Variants in EGFR observed in about 807,000 individuals in gnomAD.
EGFR encodes the protein epidermal growth factor receptor.
Under a neutral mutation model 143.0 loss-of-function variants are expected in EGFR, and 58 were observed. The observed-to-expected ratio is 0.41, with a 90% CI of 0.33 to 0.50. EGFR has a LOEUF of 0.50. Ranked by LOEUF, EGFR falls within the 20% of genes least tolerant of loss-of-function variation. The probability of loss-of-function intolerance (pLI) is 0.39; values close to 1 mark genes in which losing one functional copy is unlikely to be tolerated. For synonymous variants in EGFR, 613 were observed against 594.4 expected (o/e 1.03, Z -0.45); for missense variants, 1,307 against 1,579.0 (o/e 0.83, Z 2.92).
At chr7:55,019,398 C>G (rs1181438863) in intron 1 of EGFR, 33 bp downstream of exon 1, 3 of 1,347,336 alleles carry the variant, frequency 2.2e-6, no homozygotes, top group South Asian at 1.6e-5. Flanking sequence ...CCCGCGCCGC[C>G]CCCGGATCGC....
At chr7:55,042,665 G>A (rs1787962123) in intron 1 of EGFR, among the ~76,000 whole-genome samples, 1 of 152,198 alleles carries the variant, frequency 6.6e-6, no homozygotes, top group Non-Finnish European at 1.5e-5. Context: ...TCACCAACCA[G>A]GTGATTTTTT....
chr7:55,019,189 G>T lies in EGFR; in HGVS notation c.-89G>T. On this transcript the variant is annotated 5_prime_UTR_variant, in exon 1 of 28. Coordinates refer to ENST00000275493, the MANE Select transcript of EGFR (RefSeq NM_005228.5). Reference sequence around the variant, plus strand: ...CGGCGTCCGCCCGAGTCCCCGCCTCGCCGCCAACGCCACAACCACCGCGCA... The same window carrying T: ...CGGCGTCCGCCCGAGTCCCCGCCTCTCCGCCAACGCCACAACCACCGCGCA... 8.9e-7 allele frequency: 1 copy of T among 1,127,140 alleles called. No individual in the cohort carries two copies. The highest frequency in any genetic ancestry group is 1.2e-6 in the Non-Finnish European group (1 of 821,318). The allele number at this position is 1,127,140 out of a possible 1,614,324, so 69.8% of individuals were successfully genotyped here.
At position 55,160,218 on chromosome 7, in the gene EGFR, G is replaced by A. The variant is rs753269876; in HGVS notation, c.1378G>A (p.Asp460Asn). ...CTCCCTCAAGGAGATAAGTGATGGAGATGTGATAATTTCAGGAAACAAAAA... is the reference window on the plus strand; with the variant it reads ...CTCCCTCAAGGAGATAAGTGATGGAAATGTGATAATTTCAGGAAACAAAAA... ...LRSLKEISDG[D>N]VIISGNKNLC... Residue 460 changes from aspartate to asparagine, a missense_variant, in exon 12 of 28, where the codon GAT becomes AAT. Physicochemically the swap from Asp to Asn is conservative, Grantham distance 23. Around this residue, in one of 7 missense-constraint regions of EGFR, gnomAD observed 250 missense variants for 295.1 expected, o/e 0.85. Transcript: ENST00000275493. 6.2e-7 allele frequency: 1 copy of A among 1,614,184 alleles called. No homozygotes were observed. Among genetic ancestry groups the A allele is most frequent in the South Asian group, 1.1e-5 (1 of 91,088 alleles).
rs1460415933 is a variant in EGFR, at chr7:55,157,745, C to T, written c.1290C>T (p.Thr430=). The T allele has an allele frequency of 1.2e-6, 2 of 1,614,092 alleles. No individual in the cohort carries two copies. The highest frequency in any genetic ancestry group is 2.2e-5 in the East Asian group (1 of 44,896). The change falls in exon 11 of 28, where the codon ACC becomes ACT. Residue 430 remains threonine (T), a synonymous_variant. Transcript: ENST00000275493. ...FENLEIIRGR[T]KQHGQFSLAV... ...ACCTAGAAATCATACGCGGCAGGAC[C>T]AAGCAACAGTAAGTTGACCACAGCC...
intron 1 of EGFR, among the ~76,000 whole-genome samples, chr7:55,024,082 C>T (rs1786743350): frequency 6.6e-6 from 1 of 152,206 alleles, no homozygotes; most frequent in African/African-American, 2.4e-5. Context: ...ATAAAGCTTT[C>T]TTGCTACACA....
intron 1 of EGFR, among the ~76,000 whole-genome samples, chr7:55,064,223 AG>A (rs1219850854): frequency 6.6e-6 from 1 of 152,258 alleles, no homozygotes; most frequent in Non-Finnish European, 1.5e-5. Context: ...TAGTATCCAC[AG>A]GTCATGTTTG....
chr7:55,190,789 G>T (rs569102573), intron 20 of EGFR, among the ~76,000 whole-genome samples: 11 of 152,314 alleles, frequency 7.2e-5, no homozygotes, highest in African/African-American at 2.6e-4. Flanking sequence ...ACAATAATAA[G>T]AAGTCTGCAG....
In EGFR at chr7:55,173,267, T is replaced by A. The variant is rs555560281; in HGVS notation, c.2061+143T>A. On this transcript the variant is annotated intron_variant, in intron 17 of 27. Transcript: ENST00000275493. ...CAGAAAGAATCTCTGAATGTGCAGT[T>A]ATACCCAGTTGGTGACATGTTGGTA... 373 of 1,267,642 alleles carry A rather than the reference T, an allele frequency of 2.9e-4. 3 individuals are homozygous for A. The highest frequency in any genetic ancestry group is 5.2e-5 in the Non-Finnish European group (48 of 923,146). 78.5% of individuals were successfully genotyped at this position (1,267,642 alleles called of 1,614,324 possible).
In EGFR at chr7:55,201,221, G is replaced by A. The variant is rs1787831942; in HGVS notation, c.2980G>A (p.Asp994Asn). Reference sequence around the variant, plus strand: ...AAGAATGCATTTGCCAAGTCCTACAGACTCCAACTTCTACCGTGCCCTGAT... The same window carrying A: ...AAGAATGCATTTGCCAAGTCCTACAAACTCCAACTTCTACCGTGCCCTGAT... ...DERMHLPSPTDSNFYRALMDE... is the reference protein window; with the variant it reads ...DERMHLPSPTNSNFYRALMDE... Residue 994 changes from aspartate (D) to asparagine (N), a missense_variant, in exon 25 of 28, where the codon GAC becomes AAC. Physicochemically the swap from Asp to Asn is conservative, Grantham distance 23. Transcript: ENST00000275493. 1 of 1,614,146 alleles carries A rather than the reference G, an allele frequency of 6.2e-7. No individual in the cohort carries two copies.
rs182857647 is a variant in EGFR, at chr7:55,201,327, C to T, written c.3086C>T (p.Thr1029Met). 106 of 1,614,110 alleles carry T rather than the reference C, an allele frequency of 6.6e-5. No homozygotes were observed. The highest frequency in any genetic ancestry group is 8.4e-5 in the Non-Finnish European group (99 of 1,180,020). ...CAGGGCTTCTTCAGCAGCCCCTCCACGTCACGGACTCCCCTCCTGAGCTCT... is the reference window on the plus strand; with the variant it reads ...CAGGGCTTCTTCAGCAGCCCCTCCATGTCACGGACTCCCCTCCTGAGCTCT... ...PQQGFFSSPS[T>M]SRTPLLSSLS... The change falls in exon 25 of 28, where the codon ACG becomes ATG. Residue 1029 changes from threonine (T) to methionine (M), a missense_variant. Physicochemically the swap from Thr to Met is moderately conservative, Grantham distance 81. This residue lies in a region of EGFR where 313 missense variants were observed against 312.3 expected (regional missense o/e 1.00). Transcript: ENST00000275493.
rs1159677811 is a variant in EGFR at position 55,076,873 on chromosome 7, A to T, written c.88+57508A>T. ...ACTCCATCATTAGCTGTTGTCATGT[A>T]GGCTATCAATAAATATATGACAAAT... On this transcript the variant is annotated intron_variant, in intron 1 of 27. Transcript: ENST00000275493. 2.0e-5 allele frequency among the ~76,000 whole-genome samples: 3 copies of T among 152,144 alleles called. No individual in the cohort carries two copies. The East Asian group carries it at 5.8e-4, about 29-fold the overall frequency.
intron 24 of EGFR, chr7:55,200,705 T>C (rs963043229): frequency 2.7e-5 from 14 of 528,136 alleles, no homozygotes; most frequent in Non-Finnish European, 4.1e-5. Flanking sequence ...GAGAGAAGCA[T>C]GGTCTATTGG....
In EGFR at chr7:55,207,052, C is replaced by T. The variant is rs769052522; in HGVS notation, c.*1435C>T. 1.7e-5 allele frequency: 4 copies of T among 232,812 alleles called. No homozygotes were observed. Among genetic ancestry groups the T allele is most frequent in the Non-Finnish European group, 2.5e-5 (3 of 117,868 alleles). 14.4% of individuals were successfully genotyped at this position (232,812 alleles called of 1,614,324 possible). A position where few individuals can be genotyped will look rare whatever the true frequency, so the allele number is the denominator to read the frequency against. ...AGCTAGTTAGGAGCCCACCTTTTTTCCTAATCTGTGTGTGCCCTGTAACCT... is the reference window on the plus strand; with the variant it reads ...AGCTAGTTAGGAGCCCACCTTTTTTTCTAATCTGTGTGTGCCCTGTAACCT... On this transcript the variant is annotated 3_prime_UTR_variant, in exon 28 of 28. Coordinates refer to ENST00000275493, the MANE Select transcript of EGFR (RefSeq NM_005228.5).
Position 55,155,861 on chromosome 7 carries a change from C to T in EGFR, c.921C>T (p.Cys307=), listed in dbSNP as rs17289893. The part of the protein sequence containing the change: ...RNYVVTDHGS[C]VRACGADSYE... ...ATGTGGTGACAGATCACGGCTCGTG[C>T]GTCCGAGCCTGTGGGGCCGACAGCT... Residue 307 remains cysteine, a synonymous_variant, in exon 8 of 28, where the codon TGC becomes TGT. Coordinates refer to ENST00000275493, the MANE Select transcript of EGFR (RefSeq NM_005228.5). The T allele has an allele frequency of 5.2e-4, 840 of 1,613,804 alleles. 7 individuals are homozygous for T. In the African/African-American group the frequency reaches 0.01, roughly 20 times the overall value.
chr7:55,192,919 C>A, intron 22 of EGFR, 78 bp downstream of exon 22: 3 of 1,205,578 alleles, frequency 2.5e-6, no homozygotes, highest in Non-Finnish European at 3.7e-6. Context: ...TACATTATAT[C>A]CTCTGACATG....
intron 13 of EGFR, among the ~76,000 whole-genome samples, chr7:55,161,928 A>T (rs1444474766): frequency 1.3e-5 from 2 of 152,252 alleles, no homozygotes; most frequent in Admixed American, 6.5e-5. Flanking sequence ...AGTTCCTAAG[A>T]CAAATGAGAC....
chr7:55,061,120 C>T (rs1280577140), intron 1 of EGFR, among the ~76,000 whole-genome samples: 3 of 152,178 alleles, frequency 2.0e-5, no homozygotes, highest in Non-Finnish European at 2.9e-5. Context: ...AATCACATGC[C>T]CCAGTGGGAA....
intron 1 of EGFR, among the ~76,000 whole-genome samples, chr7:55,101,281 C>T (rs1418445531): frequency 6.6e-6 from 1 of 152,240 alleles, no homozygotes; most frequent in Non-Finnish European, 1.5e-5. Context: ...CTACTGTTCT[C>T]AGCACTTCCT....
At chr7:55,125,336 T>A (rs1416206177) in intron 1 of EGFR, among the ~76,000 whole-genome samples, 1 of 152,366 alleles carries the variant, frequency 6.6e-6, no homozygotes, top group Non-Finnish European at 1.5e-5. Flanking sequence ...TGAAACCACA[T>A]GCTTTAAAAA....
Sources: gnomAD v4.1 joint callset for allele counts (sites outside exome capture counted in the v4.1 genomes callset) on GRCh38, gnomAD v4.1.1 for gene constraint, gnomAD v4.1.1 regional missense constraint, MANE v1.5 for transcripts, NCBI Gene and HGNC (gene_info 2026-07-23, HGNC 2026-07-21) for gene names.